Variants in ZWILCH observed in about 807,000 individuals in gnomAD.
ZWILCH encodes the protein protein zwilch homolog.
A neutral mutation model predicts 79.9 loss-of-function variants in ZWILCH; 74 were observed. The ratio of observed to expected loss-of-function variants is 0.93; its 90% confidence interval spans 0.77 to 1.12. The LOEUF (loss-of-function observed/expected upper bound fraction) is 1.12, where lower values mean the gene tolerates loss of function less well. ZWILCH is among the 50% of genes most tolerant of loss of function. The pLI is 0.00. For missense variants in ZWILCH, 694 were observed against 687.5 expected (o/e 1.01, Z -0.11); for synonymous variants, 241 against 228.2 (o/e 1.06, Z -0.51).
chr15:66,514,094 G>A lies in ZWILCH; in HGVS notation c.201+11G>A. 6.3e-7 allele frequency: 1 copy of A among 1,578,622 alleles called. No individual in the cohort carries two copies. Among genetic ancestry groups the A allele is most frequent in the Non-Finnish European group, 8.6e-7 (1 of 1,161,562 alleles). On this transcript the variant is annotated intron_variant, in intron 3 of 18. Transcript: ENST00000307897. ...ATAGTGGAAAAAGTGGTAAGTACTG[G>A]TTTGACTTTGTGGTTGTTTAATTCT...
chr15:66,537,408 T>C (rs1236473255), intron 16 of ZWILCH, 145 bp downstream of exon 16: 1 of 522,176 alleles, frequency 1.9e-6, no homozygotes, highest in Non-Finnish European at 3.4e-6. Flanking sequence ...AAAATAATAA[T>C]AGCTGGGCGT....
At chr15:66,525,620 G>A (rs1263876596) in intron 8 of ZWILCH, among the ~76,000 whole-genome samples, 1 of 152,038 alleles carries the variant, frequency 6.6e-6, no homozygotes, top group African/African-American at 2.4e-5. Flanking sequence ...CATTTGGGCA[G>A]GAACATTGTT....
intron 16 of ZWILCH, 23 bp downstream of exon 16, chr15:66,537,286 G>GAGCCACCATGCCTA: frequency 2.6e-6 from 4 of 1,562,632 alleles, no homozygotes; most frequent in South Asian, 1.1e-5. Context: ...TGCTAGGCAT[G>GAGCCACCATGCCTA]GTGGCTCATG....
At chr15:66,548,215 C>T (rs983865227) in intron 18 of ZWILCH, 136 bp from the exon 19 acceptor site, 2 of 241,378 alleles carry the variant, frequency 8.3e-6, no homozygotes, top group African/African-American at 4.5e-5. Flanking sequence ...ACTATGATGC[C>T]ATTTTTGTAA....
intron 2 of ZWILCH, among the ~76,000 whole-genome samples, chr15:66,511,599 A>T (rs1490537254): frequency 6.6e-6 from 1 of 152,132 alleles, no homozygotes; most frequent in African/African-American, 2.4e-5. Context: ...GGTAAAAATA[A>T]ACAATGAAAA....
chr15:66,532,822 C>G (rs193217427), intron 13 of ZWILCH, among the ~76,000 whole-genome samples, 163 bp from the exon 14 acceptor site: 24 of 151,770 alleles, frequency 1.6e-4, no homozygotes, highest in Admixed American at 1.2e-3. Flanking sequence ...AACTACTTAG[C>G]TTGACAATCT....
intron 16 of ZWILCH, among the ~76,000 whole-genome samples, 199 bp downstream of exon 16, chr15:66,537,462 G>A (rs914109601): frequency 7.2e-5 from 11 of 151,916 alleles, no homozygotes; most frequent in African/African-American, 2.4e-4. Flanking sequence ...AGGCCGAGGC[G>A]GGTGGATCCC....
chr15:66,540,584 T>C (rs1437301993), intron 17 of ZWILCH, among the ~76,000 whole-genome samples: 2 of 150,484 alleles, frequency 1.3e-5, no homozygotes, highest in African/African-American at 2.4e-5. Context: ...AAACTAAATC[T>C]TACTGGAATG....
intron 16 of ZWILCH, among the ~76,000 whole-genome samples, 158 bp from the exon 17 acceptor site, chr15:66,539,940 C>T (rs1895140747): frequency 6.6e-6 from 1 of 151,934 alleles, no homozygotes; most frequent in African/African-American, 2.4e-5. Flanking sequence ...ATTTTTCTTG[C>T]TCTCTTGACT....
intron 1 of ZWILCH, among the ~76,000 whole-genome samples, chr15:66,506,614 C>T (rs7497580): frequency 0.056 from 8,559 of 152,152 alleles, 339 homozygotes; most frequent in Middle Eastern, 0.11. Flanking sequence ...CGAGATCGTG[C>T]CAGTGCACTC....
chr15:66,506,788 C>T (rs1023563390), intron 1 of ZWILCH, among the ~76,000 whole-genome samples: 44 of 152,018 alleles, frequency 2.9e-4, no homozygotes, highest in Admixed American at 7.9e-4. Flanking sequence ...CCAGCCTGGG[C>T]AGCGTAGTGA....
chr15:66,514,033 T>G lies in ZWILCH; in HGVS notation c.151T>G (p.Leu51Val). Residue 51 changes from leucine to valine, a missense_variant, in exon 3 of 19, where the codon TTG (leucine) becomes GTG (valine). Leu to Val is a conservative substitution (Grantham distance 32, BLOSUM62 1). Transcript: ENST00000307897. ...GATCAGCAAAGGCCAACCAAACCCT[T>G]TGAAAAATATTCTAAATGAAAATGA... ...QLISKGQPNP[L>V]KNILNENDIV... The G allele has an allele frequency of 1.2e-6, 2 of 1,612,468 alleles. No homozygotes were observed. The highest frequency in any genetic ancestry group is 1.7e-6 in the Non-Finnish European group (2 of 1,179,230).
chr15:66,515,739 A>G (rs768493232), intron 4 of ZWILCH, 95 bp downstream of exon 4: 5 of 794,520 alleles, frequency 6.3e-6, no homozygotes, highest in African/African-American at 1.7e-5. Flanking sequence ...TAGCCCTTAT[A>G]TCTTCCTTCA....
At chr15:66,508,927 T>A (rs774880432) in intron 2 of ZWILCH, 35 bp downstream of exon 2, 1 of 1,606,908 alleles carries the variant, frequency 6.2e-7, no homozygotes, top group East Asian at 2.2e-5. Flanking sequence ...ACAACTCTAA[T>A]CCTAAAATTG....
chr15:66,508,593 CCAATTGAGGGCAA>C (rs1335826361), intron 1 of ZWILCH, among the ~76,000 whole-genome samples: 1 of 152,190 alleles, frequency 6.6e-6, no homozygotes, highest in Non-Finnish European at 1.5e-5. Flanking sequence ...TCAGTTGTAC[CCAATTGAGGGCAA>C]CAGTCTATTA....
intron 14 of ZWILCH, among the ~76,000 whole-genome samples, chr15:66,535,568 C>T (rs1190515392): frequency 2.0e-5 from 3 of 151,572 alleles, no homozygotes; most frequent in Non-Finnish European, 2.9e-5. Context: ...CCCAGCTACT[C>T]AGGAGGCTAA....
Position 66,523,683 on chromosome 15 carries a change from A to G in ZWILCH, c.754A>G (p.Lys252Glu), listed in dbSNP as rs1329805864. Residue 252 changes from lysine to glutamate, a missense_variant, in exon 8 of 19, where the codon AAA becomes GAA. Physicochemically the swap from Lys to Glu is moderately conservative, Grantham distance 56 (BLOSUM62 1). Coordinates refer to ENST00000307897, the MANE Select transcript of ZWILCH (RefSeq NM_017975.5). The stretch of plus-strand genomic sequence containing the variant: ...GACTTTGGAAACTTTTTAGAATATT[A>G]AAGTGGAATCAGGAGAGCCCAGAGG... ...PLSSTATLNI[K>E]VESGEPRGPL... The G allele has an allele frequency of 3.7e-6, 6 of 1,610,716 alleles. No homozygotes were observed. In the East Asian group the frequency reaches 6.7e-5, roughly 18 times the overall value.
chr15:66,548,436 G>GTTT lies in ZWILCH; in HGVS notation c.*112_*113insTTT. 1.1e-6 allele frequency: 1 copy of GTTT among 926,172 alleles called. No homozygotes were observed. Among genetic ancestry groups the GTTT allele is most frequent in the South Asian group, 1.6e-5 (1 of 63,416 alleles). The allele number at this position is 926,172 out of a possible 1,614,324, so 57.4% of individuals were successfully genotyped here. A position where few individuals can be genotyped will look rare whatever the true frequency, so the allele number is the denominator to read the frequency against. On this transcript the variant is annotated 3_prime_UTR_variant, in exon 19 of 19. Coordinates refer to ENST00000307897, the MANE Select transcript of ZWILCH (RefSeq NM_017975.5). The stretch of plus-strand genomic sequence containing the variant: ...GTATGGAAACCCTCAAAGCAGAAAA[G>GTTT]GGAGGAAGATCCTGAAGATTCTCTT...
rs1180456312 is a variant in ZWILCH, at chr15:66,517,455, T to TATAG, written c.321-1423_321-1422insTAGA. Among the ~76,000 whole-genome samples, 73 of 115,190 alleles carry TATAG rather than the reference T, an allele frequency of 6.3e-4. 2 individuals are homozygous for TATAG. The South Asian group carries it at 7.6e-3, about 12-fold the overall frequency. 75.6% of individuals were successfully genotyped at this position (115,190 alleles called of 152,430 possible). A position where few individuals can be genotyped will look rare whatever the true frequency, so the allele number is the denominator to read the frequency against. On this transcript the variant is annotated intron_variant, in intron 4 of 18. Transcript: ENST00000307897. ...GTATATATATATATATATATATATA[T>TATAG]AGTAATGTACACACATACACCATTT...
Sources: gnomAD v4.1 joint callset for allele counts (sites outside exome capture counted in the v4.1 genomes callset) on GRCh38, gnomAD v4.1.1 for gene constraint, MANE v1.5 for transcripts, NCBI Gene and HGNC (gene_info 2026-07-23, HGNC 2026-07-21) for gene names.